ZDHHC13: variants seen among roughly 807,000 people sequenced by gnomAD.
The protein encoded by ZDHHC13 is zDHHC palmitoyltransferase 13.
Under a neutral mutation model 86.0 loss-of-function variants are expected in ZDHHC13, and 85 were observed. The observed-to-expected ratio is 0.99, with a 90% confidence interval of 0.83 to 1.18. The LOEUF (loss-of-function observed/expected upper bound fraction) is 1.18, where lower values mean the gene tolerates loss of function less well. Among genes scored for constraint, ZDHHC13 ranks in the 50% most tolerant of loss-of-function variants. ZDHHC13 has a pLI of 0.00. For missense variants in ZDHHC13, 711 were observed against 730.2 expected (o/e 0.97, Z 0.30); for synonymous variants, 263 against 246.4 (o/e 1.07, Z -0.63).
Position 19,147,679 on chromosome 11 carries a change from G to C in ZDHHC13, c.374+6G>C, listed in dbSNP as rs971843703. On this transcript the variant is annotated splice_donor_region_variant and intron_variant, in intron 4 of 16. Coordinates refer to ENST00000446113, the MANE Select transcript of ZDHHC13 (RefSeq NM_019028.3). ...CCTCTTCACTGGGCCATCCGGTAAG[G>C]TTTCTTTGAACACTGAAATTAAATA... The C allele has an allele frequency of 2.5e-5, 40 of 1,588,476 alleles. No individual in the cohort carries two copies. Among genetic ancestry groups the C allele is most frequent in the Non-Finnish European group, 3.3e-5 (39 of 1,165,752 alleles).
At position 19,137,212 on chromosome 11, in the gene ZDHHC13, A is replaced by T. The variant is rs567197874; in HGVS notation, c.28-5766A>T. On this transcript the variant is annotated intron_variant, in intron 1 of 16. Transcript: ENST00000446113. ...ACACACATAGGCTCAAAATAAAAGG[A>T]TGGAGGAAGATCTACCAAGCAAATG... Among the ~76,000 whole-genome samples, 781 of 152,152 alleles carry T rather than the reference A, an allele frequency of 5.1e-3. 6 individuals are homozygous for T. The highest frequency in any genetic ancestry group is 0.018 in the African/African-American group (760 of 41,488).
At chr11:19,135,423 C>T (rs146170149) in intron 1 of ZDHHC13, among the ~76,000 whole-genome samples, 15,447 of 152,300 alleles carry the variant, frequency 0.1, 1,074 homozygotes, top group Non-Finnish European at 0.14. Flanking sequence ...GAGGGGCCTA[C>T]GCCCATGGAG....
chr11:19,175,206 G>A (rs1380331215), intron 16 of ZDHHC13, among the ~76,000 whole-genome samples: 1 of 151,572 alleles, frequency 6.6e-6, no homozygotes, highest in Non-Finnish European at 1.5e-5. Context: ...GGCTAACACG[G>A]TGAAACCCCG....
chr11:19,170,162 C>A (rs1275600477), intron 14 of ZDHHC13: 1 of 1,295,068 alleles, frequency 7.7e-7, no homozygotes, highest in Non-Finnish European at 9.7e-7. Flanking sequence ...TTTACGGACC[C>A]TTTTTCTTTA....
intron 3 of ZDHHC13, among the ~76,000 whole-genome samples, 189 bp downstream of exon 3, chr11:19,146,492 C>A (rs1307925882): frequency 6.6e-6 from 1 of 151,916 alleles, no homozygotes. Context: ...CCTGGTTGAT[C>A]CAAAAGGGAA....
chr11:19,119,268 A>AGT (rs1390851503), intron 1 of ZDHHC13, among the ~76,000 whole-genome samples: 5 of 151,788 alleles, frequency 3.3e-5, no homozygotes, highest in African/African-American at 1.2e-4. Flanking sequence ...GGACCACCAC[A>AGT]CCCTGCTAAT....
At chr11:19,132,777 A>C (rs747219665) in intron 1 of ZDHHC13, among the ~76,000 whole-genome samples, 44 of 150,738 alleles carry the variant, frequency 2.9e-4, no homozygotes, top group Non-Finnish European at 6.2e-4. Context: ...TTTTTTTCTC[A>C]TATCTTGGCA....
chr11:19,168,596 T>G (rs1195184273), intron 14 of ZDHHC13: 1 of 157,022 alleles, frequency 6.4e-6, no homozygotes, highest in African/African-American at 2.4e-5. Flanking sequence ...TCCATTTATA[T>G]TCCAGCAATA....
chr11:19,160,377 G>A (rs952866652), intron 10 of ZDHHC13, among the ~76,000 whole-genome samples: 2 of 151,176 alleles, frequency 1.3e-5, no homozygotes, highest in African/African-American at 4.9e-5. Flanking sequence ...AGGCTTGGAT[G>A]ATATTATTAT....
intron 8 of ZDHHC13, among the ~76,000 whole-genome samples, chr11:19,154,412 A>G (rs1057033442): frequency 7.2e-5 from 11 of 152,284 alleles, no homozygotes; most frequent in African/African-American, 2.4e-4. Flanking sequence ...ATTTTGTGTC[A>G]TCATGCCAAT....
intron 1 of ZDHHC13, among the ~76,000 whole-genome samples, chr11:19,125,634 G>A (rs1848857456): frequency 6.6e-6 from 1 of 152,156 alleles, no homozygotes; most frequent in African/African-American, 2.4e-5. Flanking sequence ...ACAAAAGTTT[G>A]TCCACGAATA....
chr11:19,133,761 G>A (rs969111838), intron 1 of ZDHHC13, among the ~76,000 whole-genome samples: 2 of 151,658 alleles, frequency 1.3e-5, no homozygotes, highest in African/African-American at 2.4e-5. Context: ...AATTATAACT[G>A]AAGTCAGGAA....
chr11:19,168,181 G>A (rs1440952285), intron 14 of ZDHHC13: 1 of 152,204 alleles, frequency 6.6e-6, no homozygotes. Flanking sequence ...GTTCTATTGA[G>A]AAAGCTGCCT....
rs375843033 is a variant in ZDHHC13 at position 19,166,452 on chromosome 11, C to A, written c.1474+67C>A. On this transcript the variant is annotated intron_variant, in intron 14 of 16. Transcript: ENST00000446113. ...CCCATTTCTACTTTTCCTTGTAAACCCTTGTATATCACATTCTGGCTGGGT... is the reference window on the plus strand; with the variant it reads ...CCCATTTCTACTTTTCCTTGTAAACACTTGTATATCACATTCTGGCTGGGT... 2.4e-6 allele frequency: 3 copies of A among 1,275,572 alleles called. No individual in the cohort carries two copies. The African/African-American group carries it at 4.5e-5, about 19-fold the overall frequency. 79.0% of individuals were successfully genotyped at this position (1,275,572 alleles called of 1,614,324 possible). A position where few individuals can be genotyped will look rare whatever the true frequency, so the allele number is the denominator to read the frequency against.
At chr11:19,135,198 C>G (rs1040810030) in intron 1 of ZDHHC13, among the ~76,000 whole-genome samples, 5 of 152,222 alleles carry the variant, frequency 3.3e-5, no homozygotes, top group African/African-American at 2.4e-5. Flanking sequence ...ACAGTGGGCA[C>G]AGGTCAGTGG....
intron 9 of ZDHHC13, 106 bp from the exon 10 acceptor site, chr11:19,158,834 C>A (rs1382189791): frequency 4.2e-6 from 3 of 708,330 alleles, no homozygotes; most frequent in Non-Finnish European, 6.7e-6. Context: ...AAAGCTATTA[C>A]TGTTGCTGCT....
At chr11:19,175,749 A>G in intron 16 of ZDHHC13, 73 bp from the exon 17 acceptor site, 1 of 1,556,646 alleles carries the variant, frequency 6.4e-7, no homozygotes, top group South Asian at 1.2e-5. Flanking sequence ...CATATTATAG[A>G]TTCTCCATAA....
In ZDHHC13 at chr11:19,152,567, A is replaced by G; in HGVS notation, c.756A>G (p.Thr252=). The G allele has an allele frequency of 6.2e-7, 1 of 1,608,780 alleles. No individual in the cohort carries two copies. Among genetic ancestry groups the G allele is most frequent in the East Asian group, 2.2e-5 (1 of 44,808 alleles). ...CCCTACTCTTTTTTAAGGGAGAAAC[A>G]CCTCTTGATATGGCTCTACAAAACA... The part of the protein sequence containing the change: ...SLDIQNVKGE[T]PLDMALQNKN... The change falls in exon 8 of 17, where the codon ACA becomes ACG. Residue 252 remains threonine, a synonymous_variant. Coordinates refer to ENST00000446113, the MANE Select transcript of ZDHHC13 (RefSeq NM_019028.3).
intron 1 of ZDHHC13, among the ~76,000 whole-genome samples, chr11:19,125,571 A>G (rs1848856149): frequency 6.6e-6 from 1 of 152,208 alleles, no homozygotes; most frequent in Non-Finnish European, 1.5e-5. Flanking sequence ...ATTTAAATAT[A>G]CCTAACATAT....
Sources: allele counts gnomAD v4.1 joint callset (sites outside exome capture counted in the v4.1 genomes callset), GRCh38; gene constraint gnomAD v4.1.1; transcripts MANE v1.5; gene names NCBI Gene and HGNC (gene_info 2026-07-23, HGNC 2026-07-21).